CYP7B1: variants seen among roughly 807,000 people sequenced by gnomAD.
CYP7B1 encodes the protein cytochrome P450 7B1.
CYP7B1 carries 29 observed loss-of-function variants against 42.7 expected under a neutral mutation model. The ratio of observed to expected loss-of-function variants is 0.68; its 90% confidence interval spans 0.51 to 0.93. The LOEUF is 0.93. CYP7B1 is among the 40% of genes least tolerant of loss of function. The pLI, the probability that CYP7B1 is intolerant of heterozygous loss-of-function variation, is 0.00. For missense variants in CYP7B1, 655 were observed against 600.5 expected, an observed-to-expected ratio of 1.09 and a Z score of -0.95; for synonymous variants, 235 against 218.2, an observed-to-expected ratio of 1.08 and a Z score of -0.68.
At chr8:64,610,554 C>T (rs1229339564) in intron 4 of CYP7B1, among the ~76,000 whole-genome samples, 3 of 152,110 alleles carry the variant, frequency 2.0e-5, no homozygotes, top group Non-Finnish European at 2.9e-5. Context: ...TAACGTAAAA[C>T]GTTCATAAGG....
At chr8:64,683,143 C>G (rs1319058968) in intron 1 of CYP7B1, among the ~76,000 whole-genome samples, 1 of 152,176 alleles carries the variant, frequency 6.6e-6, no homozygotes, top group Non-Finnish European at 1.5e-5. Context: ...AACGCTTCCC[C>G]CATTAACAGT....
chr8:64,721,512 C>T (rs1486484536), intron 1 of CYP7B1, among the ~76,000 whole-genome samples: 1 of 152,176 alleles, frequency 6.6e-6, no homozygotes, highest in African/African-American at 2.4e-5. Context: ...TAAAATAGGT[C>T]TGTCGCACTT....
intron 1 of CYP7B1, among the ~76,000 whole-genome samples, chr8:64,783,931 T>C (rs1156928729): frequency 6.6e-6 from 1 of 152,200 alleles, no homozygotes; most frequent in Non-Finnish European, 1.5e-5. Flanking sequence ...ACAGAACAAT[T>C]TTAAGTCTGT....
At chr8:64,666,761 A>G (rs1166840071) in intron 1 of CYP7B1, among the ~76,000 whole-genome samples, 1 of 152,206 alleles carries the variant, frequency 6.6e-6, no homozygotes, top group East Asian at 1.9e-4. Flanking sequence ...TAACATCATG[A>G]TTATTTGGTT....
At chr8:64,605,504 C>T (rs1159114447) in intron 4 of CYP7B1, among the ~76,000 whole-genome samples, 1 of 152,132 alleles carries the variant, frequency 6.6e-6, no homozygotes, top group Non-Finnish European at 1.5e-5. Context: ...GCCTAATGTC[C>T]TTCCTTTCCC....
At chr8:64,793,572 T>G (rs960829737) in intron 1 of CYP7B1, among the ~76,000 whole-genome samples, 1 of 152,126 alleles carries the variant, frequency 6.6e-6, no homozygotes, top group Non-Finnish European at 1.5e-5. Context: ...CAAAAACATG[T>G]TATTAATGAC....
Position 64,610,660 on chromosome 8 carries a change from T to TA in CYP7B1, c.1057+4365dup, listed in dbSNP as rs569953167. On this transcript the variant is annotated intron_variant, in intron 4 of 5. Coordinates refer to ENST00000310193, the MANE Select transcript of CYP7B1 (RefSeq NM_004820.5). ...TCTAAAATAAAAAGTTCATTTTTAT[T>TA]AAAAAAATACCCACAAGATTCTAAT... Among the ~76,000 whole-genome samples, 37 of 152,194 alleles carry TA rather than the reference T, an allele frequency of 2.4e-4. No homozygotes were observed. In the South Asian group the frequency reaches 7.2e-3, roughly 30 times the overall value.
At chr8:64,599,289 C>G (rs948756191) in intron 5 of CYP7B1, among the ~76,000 whole-genome samples, 1 of 151,912 alleles carries the variant, frequency 6.6e-6, no homozygotes, top group Non-Finnish European at 1.5e-5. Flanking sequence ...CCTGGGTTCA[C>G]GCCATTCTCC....
chr8:64,595,536 A>T lies in CYP7B1; in HGVS notation c.*1106T>A, dbSNP rs575023772. ...GCTTGGTGGTACATGCCTGTAGTCCAGGTTCCCAAGGGACCAAAGCGGGAG... is the reference window on the plus strand; with the variant it reads ...GCTTGGTGGTACATGCCTGTAGTCCTGGTTCCCAAGGGACCAAAGCGGGAG... On this transcript the variant is annotated 3_prime_UTR_variant, in exon 6 of 6. Coordinates refer to ENST00000310193, the MANE Select transcript of CYP7B1 (RefSeq NM_004820.5). Among the ~76,000 whole-genome samples, 11 of 152,310 alleles carry T rather than the reference A, an allele frequency of 7.2e-5. No individual in the cohort carries two copies. The highest frequency in any genetic ancestry group is 5.2e-4 in the Admixed American group (8 of 15,298).
At chr8:64,768,768 C>G (rs1481255854) in intron 1 of CYP7B1, among the ~76,000 whole-genome samples, 1 of 152,060 alleles carries the variant, frequency 6.6e-6, no homozygotes, top group Non-Finnish European at 1.5e-5. Context: ...AAAGGTTTTC[C>G]CAATTTTAGG....
intron 1 of CYP7B1, among the ~76,000 whole-genome samples, chr8:64,753,407 TA>T (rs1471965749): frequency 6.6e-6 from 1 of 152,256 alleles, no homozygotes; most frequent in African/African-American, 2.4e-5. Flanking sequence ...GTTTCTTCTA[TA>T]TACTAAGCAA....
chr8:64,612,984 G>T (rs1211228851), intron 4 of CYP7B1, among the ~76,000 whole-genome samples: 1 of 152,048 alleles, frequency 6.6e-6, no homozygotes, highest in African/African-American at 2.4e-5. Context: ...ATATAAGTTT[G>T]CTCTGATCTG....
chr8:64,655,414 G>T (rs878950922), intron 1 of CYP7B1, among the ~76,000 whole-genome samples: 2 of 151,992 alleles, frequency 1.3e-5, no homozygotes, highest in Admixed American at 1.3e-4. Flanking sequence ...ACAAGCGTAT[G>T]AAAAAAAGCT....
At chr8:64,667,249 G>A (rs1806294629) in intron 1 of CYP7B1, among the ~76,000 whole-genome samples, 1 of 152,178 alleles carries the variant, frequency 6.6e-6, no homozygotes, top group Non-Finnish European at 1.5e-5. Context: ...AATCACAAAA[G>A]GGCTTTTGAA....
intron 1 of CYP7B1, among the ~76,000 whole-genome samples, chr8:64,750,161 G>C (rs1417800772): frequency 6.6e-6 from 1 of 152,150 alleles, no homozygotes; most frequent in Admixed American, 6.5e-5. Context: ...TTGCAGGTTA[G>C]GGGTGGGTAG....
downstream of CYP7B1, among the ~76,000 whole-genome samples, chr8:64,590,699 A>G (rs1291180465): frequency 6.6e-6 from 1 of 152,212 alleles, no homozygotes; most frequent in African/African-American, 2.4e-5. Flanking sequence ...AGAGCATCAG[A>G]TGATAAGAAT....
chr8:64,697,509 C>A (rs73689571), intron 1 of CYP7B1, among the ~76,000 whole-genome samples: 2,036 of 152,200 alleles, frequency 0.013, 43 homozygotes, highest in African/African-American at 0.045. Flanking sequence ...AGTCAGCATT[C>A]GTTTTGTGCT....
chr8:64,618,185 T>G (rs921637872), intron 2 of CYP7B1, among the ~76,000 whole-genome samples: 1 of 151,676 alleles, frequency 6.6e-6, no homozygotes, highest in East Asian at 1.9e-4. Flanking sequence ...CATCTGCCTG[T>G]CAAATAATTG....
chr8:64,758,382 T>C (rs1807837719), intron 1 of CYP7B1, among the ~76,000 whole-genome samples: 1 of 152,194 alleles, frequency 6.6e-6, no homozygotes, highest in South Asian at 2.1e-4. Flanking sequence ...TCATTTGCTA[T>C]CTTGGGTCCA....
Sources: allele counts gnomAD v4.1 joint callset (sites outside exome capture counted in the v4.1 genomes callset), GRCh38; gene constraint gnomAD v4.1.1; transcripts MANE v1.5; gene names NCBI Gene and HGNC (gene_info 2026-07-23, HGNC 2026-07-21).